LCA5: variants seen among roughly 807,000 people sequenced by gnomAD.
The protein encoded by LCA5 is lebercilin LCA5, also known as lebercilin.
In LCA5, 37 loss-of-function variants were observed where a neutral mutation model predicts 53.0. That is an observed-to-expected ratio of 0.70 (90% CI 0.54 to 0.92). LCA5 has a LOEUF of 0.92. Ranked by LOEUF, LCA5 falls within the 40% of genes least tolerant of loss-of-function variation. The probability of loss-of-function intolerance (pLI) is 0.00; values close to 1 mark genes in which losing one functional copy is unlikely to be tolerated. For synonymous variants in LCA5, 303 were observed against 282.9 expected (o/e 1.07, Z -0.71); for missense variants, 806 against 790.5 (o/e 1.02, Z -0.23).
At chr6:79,509,737 A>T (rs949702496) in intron 3 of LCA5, among the ~76,000 whole-genome samples, 1 of 152,202 alleles carries the variant, frequency 6.6e-6, no homozygotes, top group Non-Finnish European at 1.5e-5. Context: ...CTAATTCAGT[A>T]AGAATTGAGA....
chr6:79,522,388 C>T (rs776879425), intron 1 of LCA5, among the ~76,000 whole-genome samples: 1 of 152,108 alleles, frequency 6.6e-6, no homozygotes, highest in East Asian at 1.9e-4. Flanking sequence ...ATCTCCCCTC[C>T]TCCCCACAAA....
At chr6:79,525,620 C>G (rs1388523028) in intron 1 of LCA5, among the ~76,000 whole-genome samples, 1 of 152,210 alleles carries the variant, frequency 6.6e-6, no homozygotes, top group Non-Finnish European at 1.5e-5. Flanking sequence ...TCCTAGGACA[C>G]AAAATGTCTC....
At chr6:79,517,921 G>C (rs1766492340) in intron 2 of LCA5, among the ~76,000 whole-genome samples, 1 of 152,056 alleles carries the variant, frequency 6.6e-6, no homozygotes, top group Admixed American at 6.5e-5. Context: ...TCCTGGCCTT[G>C]CAATCTAAAC....
chr6:79,487,446 A>G lies in LCA5; in HGVS notation c.1652T>C (p.Phe551Ser). The change falls in exon 8 of 8, where the codon TTC (phenylalanine) becomes TCC (serine). Residue 551 changes from phenylalanine (F) to serine (S), a missense_variant. By Grantham distance (155) the Phe-to-Ser change is radical. Transcript: ENST00000369846. ...NVRSPASPNE[F>S]AFGSYVPSFA... ...CGAAGGCACGTAGCTACCAAATGCG[A>G]ACTCATTAGGGGAGGCTGGACTTCT... The G allele has an allele frequency of 6.2e-7, 1 of 1,613,910 alleles. No individual in the cohort carries two copies. Among genetic ancestry groups the G allele is most frequent in the Non-Finnish European group, 8.5e-7 (1 of 1,179,894 alleles).
chr6:79,522,581 T>A (rs1766655080), intron 1 of LCA5, among the ~76,000 whole-genome samples: 1 of 152,146 alleles, frequency 6.6e-6, no homozygotes, highest in Non-Finnish European at 1.5e-5. Flanking sequence ...GGTATTTATA[T>A]AATAAGAAAG....
At chr6:79,488,819 T>C in intron 7 of LCA5, 1 of 525,328 alleles carries the variant, frequency 1.9e-6, no homozygotes, top group Admixed American at 3.6e-5. Flanking sequence ...TGAATTCTAC[T>C]TCATCAGAAT....
At chr6:79,488,373 A>G (rs1769733419) in intron 7 of LCA5, 1 of 154,756 alleles carries the variant, frequency 6.5e-6, no homozygotes, top group African/African-American at 2.4e-5. Flanking sequence ...TCTCTCACAC[A>G]CATTCTCTTT....
intron 3 of LCA5, among the ~76,000 whole-genome samples, chr6:79,501,843 C>G (rs1770149485): frequency 6.6e-6 from 1 of 150,780 alleles, no homozygotes; most frequent in African/African-American, 2.4e-5. Flanking sequence ...ATATAGAGTT[C>G]TATAACTGTA....
In LCA5 at chr6:79,485,170, T is replaced by C. The variant is rs1769611204; in HGVS notation, c.*1834A>G. The C allele has an allele frequency of 6.6e-6, 1 of 152,604 alleles. No individual in the cohort carries two copies. Among genetic ancestry groups the C allele is most frequent in the Non-Finnish European group, 1.5e-5 (1 of 68,010 alleles). 9.5% of individuals were successfully genotyped at this position (152,604 alleles called of 1,614,324 possible). ...TTTAAATCTGTAACTTAACTTTAGG[T>C]TTAATTTTAATAATTCTGTCTTGTT... On this transcript the variant is annotated 3_prime_UTR_variant, in exon 8 of 8. Coordinates refer to ENST00000369846, the MANE Select transcript of LCA5 (RefSeq NM_001122769.3).
chr6:79,491,942 T>G (rs549861683), intron 5 of LCA5, among the ~76,000 whole-genome samples: 1 of 152,164 alleles, frequency 6.6e-6, no homozygotes, highest in South Asian at 2.1e-4. Flanking sequence ...TGGTTAATAC[T>G]CACTATTACT....
intron 3 of LCA5, among the ~76,000 whole-genome samples, chr6:79,512,924 C>T (rs1436461375): frequency 6.6e-6 from 1 of 152,076 alleles, no homozygotes; most frequent in East Asian, 1.9e-4. Flanking sequence ...GTTTTATATA[C>T]TATGGCTATT....
At chr6:79,526,765 A>G (rs1309208923) in intron 1 of LCA5, among the ~76,000 whole-genome samples, 3 of 152,196 alleles carry the variant, frequency 2.0e-5, no homozygotes, top group Non-Finnish European at 4.4e-5. Flanking sequence ...AACTAATCTT[A>G]AAAACTAAAA....
intron 2 of LCA5, among the ~76,000 whole-genome samples, chr6:79,516,000 G>A (rs1766426628): frequency 6.6e-6 from 1 of 151,972 alleles, no homozygotes; most frequent in African/African-American, 2.4e-5. Flanking sequence ...TGCTATAATT[G>A]TGAAACACAC....
chr6:79,513,167 A>G, intron 3 of LCA5, 45 bp downstream of exon 3: 1 of 1,565,602 alleles, frequency 6.4e-7, no homozygotes, highest in Non-Finnish European at 8.8e-7. Flanking sequence ...ATGCCCAATG[A>G]GAAACATCCC....
chr6:79,526,412 C>T (rs945260857), intron 1 of LCA5, among the ~76,000 whole-genome samples: 1 of 152,010 alleles, frequency 6.6e-6, no homozygotes, highest in South Asian at 2.1e-4. Context: ...GGCGAGGTGG[C>T]GGGCGCGTGT....
At chr6:79,495,962 G>C (rs751782289) in intron 3 of LCA5, among the ~76,000 whole-genome samples, 3 of 151,930 alleles carry the variant, frequency 2.0e-5, no homozygotes, top group East Asian at 1.9e-4. Context: ...CCAAACATCT[G>C]TATCTGTCCC....
At chr6:79,523,651 C>T (rs767789) in intron 1 of LCA5, among the ~76,000 whole-genome samples, 72,030 of 151,948 alleles carry the variant, frequency 0.47, 17,906 homozygotes, top group East Asian at 0.82. Flanking sequence ...AAGTTGGTTA[C>T]ATGGTAAAGA....
chr6:79,498,428 C>T (rs1482943982), intron 3 of LCA5, among the ~76,000 whole-genome samples: 4 of 151,890 alleles, frequency 2.6e-5, no homozygotes, highest in Non-Finnish European at 5.9e-5. Context: ...CCATTAAACT[C>T]AATGAGAACA....
intron 3 of LCA5, among the ~76,000 whole-genome samples, chr6:79,496,094 G>GT (rs1441453313): frequency 3.9e-5 from 6 of 152,088 alleles, no homozygotes; most frequent in Non-Finnish European, 7.4e-5. Context: ...CTTCAATATC[G>GT]TAAGTCATAA....
Sources: gnomAD v4.1 joint callset for allele counts (sites outside exome capture counted in the v4.1 genomes callset) on GRCh38, gnomAD v4.1.1 for gene constraint, MANE v1.5 for transcripts, NCBI Gene and HGNC (gene_info 2026-07-23, HGNC 2026-07-21) for gene names.